Variants in ACBD6 observed in about 807,000 individuals in gnomAD.
The protein encoded by ACBD6 is acyl-CoA-binding domain-containing protein 6.
A neutral mutation model predicts 37.2 loss-of-function variants in ACBD6; 28 were observed. The observed-to-expected ratio is 0.75, with a 90% CI of 0.56 to 1.03. The LOEUF (loss-of-function observed/expected upper bound fraction) is 1.03, where lower values mean the gene tolerates loss of function less well. Ranked by LOEUF, ACBD6 falls within the 50% of genes least tolerant of loss-of-function variation. The pLI, the probability that ACBD6 is intolerant of heterozygous loss-of-function variation, is 0.00. For synonymous variants in ACBD6, 113 were observed against 126.8 expected (o/e 0.89, Z 0.73); for missense variants, 340 against 337.4 (o/e 1.01, Z -0.06).
At chr1:180,452,693 G>C (rs940815800) in intron 3 of ACBD6, among the ~76,000 whole-genome samples, 4 of 234 alleles carry the variant, frequency 0.017, no homozygotes, top group Non-Finnish European at 0.027. Context: ...AGAAAAGAGA[G>C]AAGATTCAAT....
In ACBD6 at chr1:180,288,514, G is replaced by A. The variant is rs748553077; in HGVS notation, c.698C>T (p.Ser233Phe). The change falls in exon 8 of 8, where the codon TCT becomes TTT. Residue 233 changes from serine (S) to phenylalanine (F), a missense_variant. Coordinates refer to ENST00000367595, the MANE Select transcript of ACBD6 (RefSeq NM_032360.4). Reference sequence around the variant, plus strand: ...TACAATATCCAGAAACTCACAGGCAGAGGCTGAAAGGAAAATTGACAAATA... The same window carrying A: ...TACAATATCCAGAAACTCACAGGCAAAGGCTGAAAGGAAAATTGACAAATA... ...NEGQTALHYASACEFLDIVEL... is the reference protein window; with the variant it reads ...NEGQTALHYAFACEFLDIVEL... 37 of 1,612,844 alleles carry A rather than the reference G, an allele frequency of 2.3e-5. No homozygotes were observed. The highest frequency in any genetic ancestry group is 2.8e-5 in the Non-Finnish European group (33 of 1,179,510).
rs72714840 is a variant in ACBD6, at chr1:180,389,160, C to T, written c.663+8356G>A. Among the ~76,000 whole-genome samples, 1,300 of 152,276 alleles carry T rather than the reference C, an allele frequency of 8.5e-3. 11 individuals are homozygous for T. The highest frequency in any genetic ancestry group is 0.016 in the East Asian group (84 of 5,176). On this transcript the variant is annotated intron_variant, in intron 6 of 7. Transcript: ENST00000367595. ...CTAATGTTATCCCTTCCCGCTCCCCCGCCCACAACAGGCCCCAGAGTGTGA... is the reference window on the plus strand; with the variant it reads ...CTAATGTTATCCCTTCCCGCTCCCCTGCCCACAACAGGCCCCAGAGTGTGA...
At position 180,502,392 on chromosome 1, in the gene ACBD6, G is replaced by A; in HGVS notation, c.-126C>T. On this transcript the variant is annotated 5_prime_UTR_variant, in exon 1 of 8. Coordinates refer to ENST00000367595, the MANE Select transcript of ACBD6 (RefSeq NM_032360.4). ...TGAGCTCCAGTCGGACCCAAGCTCAGTCGCGGCGCGCTCCCTCACGTGACC... is the reference window on the plus strand; with the variant it reads ...TGAGCTCCAGTCGGACCCAAGCTCAATCGCGGCGCGCTCCCTCACGTGACC... 9.6e-7 allele frequency: 1 copy of A among 1,038,012 alleles called. No homozygotes were observed. Among genetic ancestry groups the A allele is most frequent in the East Asian group, 2.6e-5 (1 of 38,724 alleles). The allele number at this position is 1,038,012 out of a possible 1,614,324, so 64.3% of individuals were successfully genotyped here.
chr1:180,431,162 G>T (rs6682067), intron 3 of ACBD6, among the ~76,000 whole-genome samples: 147,730 of 151,464 alleles, frequency 0.98, 72,068 homozygotes, highest in African/African-American at 0.99. Flanking sequence ...GTTTTGTTTT[G>T]TTTTTTAATT....
chr1:180,479,332 T>C (rs1650932458), intron 3 of ACBD6, among the ~76,000 whole-genome samples: 1 of 152,220 alleles, frequency 6.6e-6, no homozygotes, highest in Non-Finnish European at 1.5e-5. Flanking sequence ...GAATGAAATG[T>C]TATTTGCAGC....
intron 5 of ACBD6, 90 bp from the exon 6 acceptor site, chr1:180,397,695 A>G: frequency 9.2e-7 from 1 of 1,091,656 alleles, no homozygotes; most frequent in Non-Finnish European, 1.4e-6. Flanking sequence ...GGAAATATAA[A>G]AAATTATGGG....
At chr1:180,501,232 G>C (rs1471906622) in intron 1 of ACBD6, among the ~76,000 whole-genome samples, 3 of 152,136 alleles carry the variant, frequency 2.0e-5, no homozygotes, top group Non-Finnish European at 2.9e-5. Flanking sequence ...TTTTTAGATT[G>C]TATCAAACAG....
At chr1:180,486,873 C>T (rs1651286328) in intron 3 of ACBD6, among the ~76,000 whole-genome samples, 1 of 152,272 alleles carries the variant, frequency 6.6e-6, no homozygotes, top group East Asian at 1.9e-4. Context: ...TGGTCTGATG[C>T]ATTGAGGAGG....
intron 3 of ACBD6, among the ~76,000 whole-genome samples, chr1:180,453,207 G>T (rs1649782642): frequency 6.6e-6 from 1 of 152,170 alleles, no homozygotes; most frequent in African/African-American, 2.4e-5. Flanking sequence ...ACATCAAAAA[G>T]CTTATCCACC....
rs559494745 is a variant in ACBD6 at position 180,340,033 on chromosome 1, A to G, written c.664-25311T>C. On this transcript the variant is annotated intron_variant, in intron 6 of 7. Coordinates refer to ENST00000367595, the MANE Select transcript of ACBD6 (RefSeq NM_032360.4). ...AGGAGGGAACAAGATGAGCAAGTGC[A>G]AAGACCCTGAAATGGTTATGTACCC... Among the ~76,000 whole-genome samples, 57 of 152,268 alleles carry G rather than the reference A, an allele frequency of 3.7e-4. 1 individual carries two copies. In the South Asian group the frequency reaches 0.011, roughly 30 times the overall value.
intron 4 of ACBD6, among the ~76,000 whole-genome samples, chr1:180,425,309 G>A (rs1366794857): frequency 1.3e-5 from 2 of 152,208 alleles, no homozygotes; most frequent in African/African-American, 4.8e-5. Context: ...TGAGCAGTCA[G>A]ATTCTCCAGG....
intron 6 of ACBD6, among the ~76,000 whole-genome samples, chr1:180,355,381 T>C (rs1652582238): frequency 6.6e-6 from 1 of 152,316 alleles, no homozygotes; most frequent in East Asian, 1.9e-4. Flanking sequence ...GATTCATTCT[T>C]CTCTTTGAGT....
At chr1:180,388,955 A>C (rs1653958376) in intron 6 of ACBD6, among the ~76,000 whole-genome samples, 1 of 152,254 alleles carries the variant, frequency 6.6e-6, no homozygotes, top group Non-Finnish European at 1.5e-5. Flanking sequence ...CATGGACTTA[A>C]TATTTTAAGA....
intron 6 of ACBD6, among the ~76,000 whole-genome samples, chr1:180,363,990 C>T (rs1254349308): frequency 6.6e-6 from 1 of 152,126 alleles, no homozygotes; most frequent in East Asian, 1.9e-4. Flanking sequence ...CTGACAAATG[C>T]CATGATACCA....
intron 7 of ACBD6, among the ~76,000 whole-genome samples, chr1:180,308,511 T>G (rs1166783149): frequency 5.9e-5 from 9 of 152,254 alleles, no homozygotes; most frequent in Admixed American, 5.9e-4. Flanking sequence ...AATATAAATG[T>G]GAACCCGAAA....
intron 1 of ACBD6, among the ~76,000 whole-genome samples, chr1:180,497,831 G>A (rs957725621): frequency 2.0e-5 from 3 of 152,052 alleles, no homozygotes; most frequent in African/African-American, 7.2e-5. Flanking sequence ...TCGGCTTCAC[G>A]CAGATATGTT....
At chr1:180,381,446 AGG>A in intron 6 of ACBD6, among the ~76,000 whole-genome samples, 1 of 152,240 alleles carries the variant, frequency 6.6e-6, no homozygotes, top group East Asian at 1.9e-4. Context: ...AAAATTCTCC[AGG>A]ACAGACCATA....
At chr1:180,439,036 A>G (rs1363565201) in intron 3 of ACBD6, among the ~76,000 whole-genome samples, 1 of 152,164 alleles carries the variant, frequency 6.6e-6, no homozygotes, top group Non-Finnish European at 1.5e-5. Context: ...CAGCCTTTTC[A>G]GATTGGCTTC....
At chr1:180,318,221 C>A (rs1177006954) in intron 6 of ACBD6, among the ~76,000 whole-genome samples, 1 of 147,254 alleles carries the variant, frequency 6.8e-6, no homozygotes, top group Admixed American at 6.8e-5. Flanking sequence ...TATCTGGACT[C>A]CCATAGCTGT....
Sources: gnomAD v4.1 joint callset for allele counts (sites outside exome capture counted in the v4.1 genomes callset) on GRCh38, gnomAD v4.1.1 for gene constraint, MANE v1.5 for transcripts, NCBI Gene and HGNC (gene_info 2026-07-23, HGNC 2026-07-21) for gene names.